CERS4: variants seen among roughly 807,000 people sequenced by gnomAD.
The protein encoded by CERS4 is LAG1 homolog, ceramide synthase 4.
CERS4 carries 65 observed loss-of-function variants against 51.8 expected under a neutral mutation model. The ratio of observed to expected loss-of-function variants is 1.26; its 90% CI spans 1.03 to 1.54. The LOEUF is 1.54. CERS4 is among the 40% of genes most tolerant of loss of function. The pLI is 0.00. For missense variants in CERS4, 563 were observed against 500.4 expected (o/e 1.13, Z -1.19); for synonymous variants, 228 against 208.4 (o/e 1.09, Z -0.81).
At chr19:8,255,331 C>T (rs572960719) in intron 4 of CERS4, among the ~76,000 whole-genome samples, 8 of 152,188 alleles carry the variant, frequency 5.3e-5, no homozygotes, top group Non-Finnish European at 5.9e-5. Context: ...GAAGCCTATC[C>T]GGGGGTAGGG....
intron 2 of CERS4, chr19:8,214,609 C>G (rs550169909): frequency 4.6e-5 from 7 of 152,466 alleles, no homozygotes; most frequent in African/African-American, 1.4e-4. Context: ...CACAGCATAC[C>G]CTGGAGAGTC....
At chr19:8,260,366 T>C (rs1314415934) in intron 10 of CERS4, among the ~76,000 whole-genome samples, 4 of 74,052 alleles carry the variant, frequency 5.4e-5, no homozygotes, top group African/African-American at 1.7e-4. Flanking sequence ...GGCTAATTTT[T>C]GTATTTTTTT....
intron 2 of CERS4, among the ~76,000 whole-genome samples, chr19:8,247,845 T>C (rs1160017590): frequency 6.6e-6 from 1 of 151,686 alleles, no homozygotes; most frequent in Non-Finnish European, 1.5e-5. Context: ...GTGATTCTCC[T>C]GCCTCAGCCT....
intron 2 of CERS4, among the ~76,000 whole-genome samples, chr19:8,236,698 A>AG (rs1338521411): frequency 4.4e-5 from 1 of 22,654 alleles, no homozygotes; most frequent in African/African-American, 1.1e-4. Flanking sequence ...AAAAAAAAAA[A>AG]AAAGAAAGAA....
chr19:8,260,250 A>C (rs1394301347), intron 10 of CERS4, among the ~76,000 whole-genome samples: 2 of 151,970 alleles, frequency 1.3e-5, no homozygotes, highest in African/African-American at 4.8e-5. Context: ...ACTGGAGTGC[A>C]ATGGCGTGAT....
At chr19:8,240,810 C>G (rs1393312244) in intron 2 of CERS4, among the ~76,000 whole-genome samples, 1 of 152,156 alleles carries the variant, frequency 6.6e-6, no homozygotes, top group Non-Finnish European at 1.5e-5. Flanking sequence ...CTCACTCAGA[C>G]CCCTGAAGAG....
Position 8,257,085 on chromosome 19 carries a change from C to CCCCTGCCT in CERS4, c.741+8_741+9insCCCTGCCT. On this transcript the variant is annotated intron_variant, in intron 9 of 11. Transcript: ENST00000251363. ...TCTGACTACCTGCTGGAGGTGGGCC[C>CCCCTGCCT]GACCCCTGCCTGACCCTTCCCAGCT... 2.5e-6 allele frequency: 4 copies of CCCCTGCCT among 1,586,768 alleles called. No individual in the cohort carries two copies. Among genetic ancestry groups the CCCCTGCCT allele is most frequent in the Non-Finnish European group, 3.4e-6 (4 of 1,164,486 alleles).
chr19:8,221,337 AG>A (rs1287398023), intron 2 of CERS4, among the ~76,000 whole-genome samples: 1 of 151,982 alleles, frequency 6.6e-6, no homozygotes, highest in Non-Finnish European at 1.5e-5. Flanking sequence ...GGAGTGCCCG[AG>A]GGCCTGGGCT....
In CERS4 at chr19:8,256,620, T is replaced by A. The variant is rs1345266455; in HGVS notation, c.522T>A (p.Thr174=). 1 of 1,611,810 alleles carries A rather than the reference T, an allele frequency of 6.2e-7. No homozygotes were observed. Among genetic ancestry groups the A allele is most frequent in the South Asian group, 1.1e-5 (1 of 90,846 alleles). Reference sequence around the variant, plus strand: ...AACCTTGTCCTGTCCTGCTGCAGACTCTGAAGCCATCCCTGTACTGGTGGT... The same window carrying A: ...AACCTTGTCCTGTCCTGCTGCAGACACTGAAGCCATCCCTGTACTGGTGGT... The part of the protein sequence containing the change: ...VMCWDRYPNQ[T]LKPSLYWWYL... Residue 174 remains threonine (T), a splice_region_variant and synonymous_variant, in exon 8 of 12, where the codon ACT becomes ACA. Coordinates refer to ENST00000251363, the MANE Select transcript of CERS4 (RefSeq NM_024552.3).
chr19:8,218,887 G>T (rs1967413834), intron 2 of CERS4, among the ~76,000 whole-genome samples: 1 of 152,148 alleles, frequency 6.6e-6, no homozygotes, highest in South Asian at 2.1e-4. Context: ...GTGGCTTCTT[G>T]CTTCACTGGG....
chr19:8,245,900 G>GAAA (rs1308641842), intron 2 of CERS4, among the ~76,000 whole-genome samples: 5 of 13,140 alleles, frequency 3.8e-4, no homozygotes, highest in Non-Finnish European at 8.6e-4. Flanking sequence ...AAGCTTTGAT[G>GAAA]ACAAAAAAAA....
intron 2 of CERS4, among the ~76,000 whole-genome samples, chr19:8,249,696 A>G (rs1049818291): frequency 3.4e-5 from 5 of 148,188 alleles, no homozygotes; most frequent in Non-Finnish European, 7.4e-5. Flanking sequence ...GGTTCAAGCA[A>G]TTCTCTGCCT....
At chr19:8,221,870 A>ATTTTTTTTTTTT (rs1568501097) in intron 2 of CERS4, among the ~76,000 whole-genome samples, 4 of 31,774 alleles carry the variant, frequency 1.3e-4, no homozygotes, top group African/African-American at 1.7e-4. Context: ...TTATTTTTTT[A>ATTTTTTTTTTTT]TGTTTTTTTT....
chr19:8,242,845 G>A (rs903894288), intron 2 of CERS4, among the ~76,000 whole-genome samples: 31 of 152,038 alleles, frequency 2.0e-4, no homozygotes, highest in African/African-American at 7.5e-4. Context: ...CATCAGCAGA[G>A]GCAAGGCTTG....
chr19:8,250,750 C>T (rs755857238), intron 2 of CERS4: 37 of 996,640 alleles, frequency 3.7e-5, no homozygotes, highest in African/African-American at 2.2e-4. Context: ...CAACTGCGCC[C>T]GGCCTACTAC....
At chr19:8,259,066 A>G (rs997939506) in intron 10 of CERS4, among the ~76,000 whole-genome samples, 1 of 152,086 alleles carries the variant, frequency 6.6e-6, no homozygotes, top group African/African-American at 2.4e-5. Context: ...CCCAGGAGGC[A>G]GAGGTTGCAG....
chr19:8,245,123 A>AAAACAAAAAAAAACAAAACAAAAC (rs1568523481), intron 2 of CERS4, among the ~76,000 whole-genome samples: 3 of 58,298 alleles, frequency 5.1e-5, no homozygotes, highest in Non-Finnish European at 1.1e-4. Flanking sequence ...AAAAAAAAAA[A>AAAACAAAAAAAAACAAAACAAAAC]AAAAAAAAAA....
intron 2 of CERS4, among the ~76,000 whole-genome samples, chr19:8,245,591 G>A (rs1968744518): frequency 6.6e-6 from 1 of 151,670 alleles, no homozygotes; most frequent in Non-Finnish European, 1.5e-5. Flanking sequence ...CCAGGCTGGA[G>A]TGCAGTGGCA....
intron 2 of CERS4, among the ~76,000 whole-genome samples, chr19:8,242,306 G>A (rs991379564): frequency 1.3e-5 from 2 of 152,216 alleles, no homozygotes; most frequent in African/African-American, 2.4e-5. Flanking sequence ...TAGTGAGAGA[G>A]TAGGACCTCT....
Sources: allele counts gnomAD v4.1 joint callset (sites outside exome capture counted in the v4.1 genomes callset), GRCh38; gene constraint gnomAD v4.1.1; transcripts MANE v1.5; gene names NCBI Gene and HGNC (gene_info 2026-07-23, HGNC 2026-07-21).